Variants in PRIMA1 observed in about 807,000 individuals in gnomAD.
PRIMA1 encodes the protein proline rich membrane anchor 1, also known as proline-rich membrane anchor 1.
In PRIMA1, 7 loss-of-function variants were observed where a neutral mutation model predicts 17.5. That is an observed-to-expected ratio of 0.40 (90% CI 0.23 to 0.75). PRIMA1 has a LOEUF of 0.75. PRIMA1 is among the 30% of genes least tolerant of loss of function. PRIMA1 has a pLI of 0.37. For missense variants in PRIMA1, 200 were observed against 201.8 expected, an observed-to-expected ratio of 0.99 and a Z score of 0.05; for synonymous variants, 97 against 77.9, an observed-to-expected ratio of 1.25 and a Z score of -1.29.
intron 3 of PRIMA1, among the ~76,000 whole-genome samples, chr14:93,776,270 A>G (rs535519795): frequency 6.6e-6 from 1 of 152,278 alleles, no homozygotes; most frequent in Non-Finnish European, 1.5e-5. Context: ...TAGTTTTTGT[A>G]TTGCTTAAAC....
intron 3 of PRIMA1, among the ~76,000 whole-genome samples, chr14:93,749,214 C>T (rs2076245700): frequency 6.6e-6 from 1 of 152,198 alleles, no homozygotes; most frequent in Non-Finnish European, 1.5e-5. Flanking sequence ...CGCAGAAGGT[C>T]CGCATACTTG....
At chr14:93,781,239 C>T (rs1226813337) in intron 2 of PRIMA1, among the ~76,000 whole-genome samples, 1 of 152,224 alleles carries the variant, frequency 6.6e-6, no homozygotes, top group Non-Finnish European at 1.5e-5. Context: ...CTGATGGTGG[C>T]CTCTGCTCAA....
intron 3 of PRIMA1, among the ~76,000 whole-genome samples, chr14:93,749,704 AG>A (rs2076248381): frequency 2.6e-5 from 4 of 152,212 alleles, no homozygotes; most frequent in Non-Finnish European, 5.9e-5. Flanking sequence ...CCCAGCACCT[AG>A]TTGATGCTCA....
At chr14:93,784,331 G>A (rs1336622388) in intron 2 of PRIMA1, among the ~76,000 whole-genome samples, 2 of 152,120 alleles carry the variant, frequency 1.3e-5, no homozygotes, top group African/African-American at 4.8e-5. Context: ...GAATTGGACT[G>A]AGATGTCTCT....
rs146466228 is a variant in PRIMA1, at chr14:93,725,200, T to C, written c.360-3654A>G. 7.9e-3 allele frequency among the ~76,000 whole-genome samples: 1,184 copies of C among 149,638 alleles called. 4 individuals are homozygous for C. The highest frequency in any genetic ancestry group is 0.014 in the Middle Eastern group (4 of 292). On this transcript the variant is annotated intron_variant, in intron 4 of 4. Coordinates refer to ENST00000393140, the MANE Select transcript of PRIMA1 (RefSeq NM_178013.4). ...GGGCTTGGCAGAGGCTCGGCACCTG[T>C]GGCAGGTAAGGGGCTCGGCACCTGT... is the stretch of plus-strand genomic sequence containing the variant.
chr14:93,785,098 T>G (rs147652532), intron 2 of PRIMA1, among the ~76,000 whole-genome samples: 1 of 149,092 alleles, frequency 6.7e-6, no homozygotes, highest in African/African-American at 2.5e-5. Context: ...CTGGCATCTT[T>G]CATGGAGACA....
At chr14:93,768,275 C>T (rs1448785591) in intron 3 of PRIMA1, among the ~76,000 whole-genome samples, 2 of 152,114 alleles carry the variant, frequency 1.3e-5, no homozygotes, top group Non-Finnish European at 2.9e-5. Flanking sequence ...TATTAGTGGC[C>T]GTGTTGGCAG....
chr14:93,723,901 T>C (rs537904442), intron 4 of PRIMA1, among the ~76,000 whole-genome samples: 2 of 152,282 alleles, frequency 1.3e-5, no homozygotes, highest in South Asian at 4.1e-4. Flanking sequence ...TTATTGTTAC[T>C]ACTATTTTGG....
chr14:93,733,018 G>T (rs1008708512), intron 4 of PRIMA1, among the ~76,000 whole-genome samples: 1 of 152,204 alleles, frequency 6.6e-6, no homozygotes, highest in Non-Finnish European at 1.5e-5. Context: ...TGTGGCTGTA[G>T]ATAAAAAGGC....
At chr14:93,734,133 G>A (rs1339901142) in intron 4 of PRIMA1, among the ~76,000 whole-genome samples, 3 of 152,218 alleles carry the variant, frequency 2.0e-5, no homozygotes, top group Non-Finnish European at 4.4e-5. Context: ...CGAGGTCAAA[G>A]GGCTGGGTCC....
At chr14:93,745,364 G>T (rs753340623) in intron 3 of PRIMA1, among the ~76,000 whole-genome samples, 9 of 152,202 alleles carry the variant, frequency 5.9e-5, no homozygotes, top group Non-Finnish European at 1.0e-4. Context: ...TGAGCTTCAT[G>T]GGGAGAGTTG....
intron 3 of PRIMA1, among the ~76,000 whole-genome samples, chr14:93,763,782 C>T (rs1399828322): frequency 6.6e-6 from 1 of 152,104 alleles, no homozygotes; most frequent in Non-Finnish European, 1.5e-5. Flanking sequence ...GCTCAGTCCC[C>T]ACCGTCTCTT....
In PRIMA1 at chr14:93,785,650, C is replaced by T. The variant is rs117428896; in HGVS notation, c.93+1976G>A. On this transcript the variant is annotated intron_variant, in intron 2 of 4. Coordinates refer to ENST00000393140, the MANE Select transcript of PRIMA1 (RefSeq NM_178013.4). The stretch of plus-strand genomic sequence containing the variant: ...TTTCCATTTTTCCTCTTCTCTCCTA[C>T]GTTCCCTTGGATTTAGCTCTTTTGC... 2.4e-3 allele frequency among the ~76,000 whole-genome samples: 370 copies of T among 152,288 alleles called. 9 individuals carry two copies. Among genetic ancestry groups the T allele is most frequent in the Non-Finnish European group, 1.7e-3 (117 of 68,020 alleles).
chr14:93,743,593 G>A (rs2076197469), intron 3 of PRIMA1, among the ~76,000 whole-genome samples: 1 of 152,248 alleles, frequency 6.6e-6, no homozygotes, highest in South Asian at 2.1e-4. Flanking sequence ...AGCCGATGTC[G>A]GTGAATGTGC....
intron 4 of PRIMA1, among the ~76,000 whole-genome samples, chr14:93,729,113 C>T (rs74073901): frequency 0.19 from 28,268 of 152,034 alleles, 2,809 homozygotes; most frequent in Admixed American, 0.3. Flanking sequence ...CAGGGGAAGG[C>T]GCACTGGCCA....
intron 4 of PRIMA1, among the ~76,000 whole-genome samples, chr14:93,723,583 G>C (rs2076056726): frequency 6.6e-6 from 1 of 152,130 alleles, no homozygotes; most frequent in African/African-American, 2.4e-5. Flanking sequence ...CAAGCCAAGT[G>C]CACTCATTCC....
chr14:93,779,631 T>C (rs1885323721), intron 2 of PRIMA1, among the ~76,000 whole-genome samples: 2 of 152,194 alleles, frequency 1.3e-5, no homozygotes, highest in African/African-American at 4.8e-5. Flanking sequence ...ACGAGTAAAC[T>C]GAGGCCCAGG....
At chr14:93,735,776 C>A (rs2076145961) in intron 4 of PRIMA1, among the ~76,000 whole-genome samples, 1 of 127,940 alleles carries the variant, frequency 7.8e-6, no homozygotes, top group Admixed American at 7.6e-5. Flanking sequence ...ACTGCAACCT[C>A]CGCCTCCCAG....
At chr14:93,771,117 T>C (rs964702623) in intron 3 of PRIMA1, among the ~76,000 whole-genome samples, 7 of 151,232 alleles carry the variant, frequency 4.6e-5, no homozygotes, top group African/African-American at 1.7e-4. Flanking sequence ...CGCGTGTGCA[T>C]GTATGTGTGT....
Sources: gnomAD v4.1 joint callset for allele counts (sites outside exome capture counted in the v4.1 genomes callset) on GRCh38, gnomAD v4.1.1 for gene constraint, MANE v1.5 for transcripts, NCBI Gene and HGNC (gene_info 2026-07-23, HGNC 2026-07-21) for gene names.